UGGT1: variants seen among roughly 807,000 people sequenced by gnomAD.
UGGT1 encodes UDP-glucose:glycoprotein glucosyltransferase 1.
UGGT1 carries 107 observed loss-of-function variants against 203.9 expected under a neutral mutation model. The observed-to-expected ratio is 0.52, with a 90% confidence interval of 0.45 to 0.62. UGGT1 has a LOEUF of 0.62. Among genes scored for constraint, UGGT1 ranks in the 20% least tolerant of loss-of-function variants. UGGT1 has a pLI of 0.00. For synonymous variants in UGGT1, 628 were observed against 653.5 expected, an observed-to-expected ratio of 0.96 and a Z score of 0.59; for missense variants, 1,673 against 1,867.2, an observed-to-expected ratio of 0.90 and a Z score of 1.92.
Position 128,110,327 on chromosome 2 carries a change from C to T in UGGT1, c.521+581C>T, listed in dbSNP as rs372019766. 2.5e-4 allele frequency among the ~76,000 whole-genome samples: 38 copies of T among 152,294 alleles called. No homozygotes were observed. The South Asian group carries it at 7.0e-3, about 28-fold the overall frequency. On this transcript the variant is annotated intron_variant, in intron 5 of 40. Coordinates refer to ENST00000259253, the MANE Select transcript of UGGT1 (RefSeq NM_020120.4). ...TGCTGTTCATAAACAGAACCGTGATCTCTCCGTGGGGTTGGCCGGCCCTCT... is the reference window on the plus strand; with the variant it reads ...TGCTGTTCATAAACAGAACCGTGATTTCTCCGTGGGGTTGGCCGGCCCTCT...
At chr2:128,162,960 T>TTAGC (rs1444831849) in intron 25 of UGGT1, among the ~76,000 whole-genome samples, 6 of 147,734 alleles carry the variant, frequency 4.1e-5, no homozygotes, top group African/African-American at 1.5e-4. Flanking sequence ...CAGGTTTTCA[T>TTAGC]TAGCGCCAGA....
chr2:128,183,589 C>A, intron 37 of UGGT1, 86 bp from the exon 38 acceptor site: 2 of 915,594 alleles, frequency 2.2e-6, no homozygotes, highest in South Asian at 1.5e-5. Flanking sequence ...GAATATTTGG[C>A]TAGTGGCCTG....
intron 17 of UGGT1, among the ~76,000 whole-genome samples, chr2:128,144,544 G>A (rs1216445658): frequency 6.6e-6 from 1 of 152,202 alleles, no homozygotes; most frequent in African/African-American, 2.4e-5. Flanking sequence ...AAAGTTAGAT[G>A]AAAATTGAGT....
chr2:128,179,725 A>G (rs1387396263), intron 34 of UGGT1, 61 bp from the exon 35 acceptor site: 4 of 1,423,438 alleles, frequency 2.8e-6, no homozygotes, highest in Non-Finnish European at 3.9e-6. Flanking sequence ...TTGACTCTAC[A>G]TAATGTTGAG....
chr2:128,138,529 C>A (rs924294808), intron 15 of UGGT1, among the ~76,000 whole-genome samples, 188 bp from the exon 16 acceptor site: 2 of 147,632 alleles, frequency 1.4e-5, no homozygotes, highest in Admixed American at 6.8e-5. Context: ...AAAAAAAAAA[C>A]CTTTGTAAGT....
chr2:128,094,632 CT>C (rs1420374033), intron 1 of UGGT1, among the ~76,000 whole-genome samples: 1 of 151,498 alleles, frequency 6.6e-6, no homozygotes, highest in Non-Finnish European at 1.5e-5. Flanking sequence ...AAAAGGTTCC[CT>C]TTTTTTACAA....
At chr2:128,153,274 A>G (rs1690065664) in intron 19 of UGGT1, among the ~76,000 whole-genome samples, 1 of 152,190 alleles carries the variant, frequency 6.6e-6, no homozygotes, top group Admixed American at 6.5e-5. Context: ...AGTCAGCCAT[A>G]ATGTCAACAA....
intron 21 of UGGT1, among the ~76,000 whole-genome samples, 179 bp from the exon 22 acceptor site, chr2:128,157,073 T>C (rs1343970274): frequency 6.6e-6 from 1 of 152,218 alleles, no homozygotes; most frequent in African/African-American, 2.4e-5. Flanking sequence ...CTGTGGAAGA[T>C]TCCCCTGCTT....
intron 17 of UGGT1, among the ~76,000 whole-genome samples, chr2:128,145,143 C>A (rs1689621361): frequency 6.6e-6 from 1 of 152,160 alleles, no homozygotes; most frequent in South Asian, 2.1e-4. Context: ...TTGTTTTCTG[C>A]AGGTGTAATT....
intron 26 of UGGT1, among the ~76,000 whole-genome samples, chr2:128,165,313 T>A (rs925464483): frequency 2.6e-5 from 4 of 152,152 alleles, no homozygotes; most frequent in African/African-American, 9.7e-5. Flanking sequence ...TTGTCCCAGC[T>A]ACTCTGGAGG....
chr2:128,115,770 A>G (rs767037888), intron 7 of UGGT1, among the ~76,000 whole-genome samples: 15 of 152,050 alleles, frequency 9.9e-5, no homozygotes, highest in Admixed American at 9.2e-4. Flanking sequence ...TTTAAATGCT[A>G]TTTTTTCATT....
At chr2:128,121,968 T>C (rs1189352050) in intron 10 of UGGT1, among the ~76,000 whole-genome samples, 1 of 152,182 alleles carries the variant, frequency 6.6e-6, no homozygotes, top group African/African-American at 2.4e-5. Flanking sequence ...TCCCAGACCA[T>C]AGTGGTTTTC....
At chr2:128,115,538 G>A (rs1159106437) in intron 7 of UGGT1, among the ~76,000 whole-genome samples, 2 of 151,032 alleles carry the variant, frequency 1.3e-5, no homozygotes, top group East Asian at 3.9e-4. Context: ...CTGGCACAGT[G>A]GTTTGCCCAA....
chr2:128,098,276 G>T (rs1283002180), intron 2 of UGGT1, among the ~76,000 whole-genome samples: 2 of 152,152 alleles, frequency 1.3e-5, no homozygotes, highest in South Asian at 2.1e-4. Context: ...CCTTAAGAAC[G>T]TGGAAGAAGG....
At chr2:128,175,953 A>G (rs947113182) in intron 31 of UGGT1, among the ~76,000 whole-genome samples, 9 of 152,240 alleles carry the variant, frequency 5.9e-5, no homozygotes, top group Non-Finnish European at 1.3e-4. Context: ...GGAAACATAC[A>G]TTTAATTTTT....
chr2:128,110,933 G>C (rs146780648), intron 5 of UGGT1, among the ~76,000 whole-genome samples: 1 of 152,104 alleles, frequency 6.6e-6, no homozygotes, highest in Non-Finnish European at 1.5e-5. Flanking sequence ...TTTACTTTCT[G>C]CTGAGTTGTA....
At chr2:128,134,988 T>C (rs370360402) in intron 15 of UGGT1, 27 bp downstream of exon 15, 46 of 1,570,170 alleles carry the variant, frequency 2.9e-5, no homozygotes, top group Non-Finnish European at 3.7e-5. Flanking sequence ...TTTGATGATG[T>C]ATCTAATTTA....
chr2:128,123,653 C>G (rs527519754), intron 11 of UGGT1, among the ~76,000 whole-genome samples: 40 of 152,266 alleles, frequency 2.6e-4, no homozygotes, highest in African/African-American at 9.1e-4. Context: ...CCTCAGTGTC[C>G]CACCACTATT....
intron 22 of UGGT1, among the ~76,000 whole-genome samples, chr2:128,158,397 A>G (rs1013502554): frequency 1.3e-5 from 2 of 152,108 alleles, no homozygotes; most frequent in African/African-American, 4.8e-5. Context: ...CCCAGACACT[A>G]CGCCTCTTCC....
Sources: allele counts gnomAD v4.1 joint callset (sites outside exome capture counted in the v4.1 genomes callset), GRCh38; gene constraint gnomAD v4.1.1; transcripts MANE v1.5; gene names NCBI Gene and HGNC (gene_info 2026-07-23, HGNC 2026-07-21).